AP3D1: variants seen among roughly 807,000 people sequenced by gnomAD.
The protein encoded by AP3D1 is adaptor related protein complex 3 subunit delta 1, also known as AP-3 complex subunit delta-1.
Under a neutral mutation model 147.6 loss-of-function variants are expected in AP3D1, and 51 were observed. The ratio of observed to expected loss-of-function variants is 0.35; its 90% CI spans 0.28 to 0.44. The LOEUF (loss-of-function observed/expected upper bound fraction) is 0.44. Ranked by LOEUF, AP3D1 falls within the 20% of genes least tolerant of loss-of-function variation. AP3D1 has a pLI of 1.00. For synonymous variants in AP3D1, 760 were observed against 663.0 expected (o/e 1.15, Z -2.25); for missense variants, 1,421 against 1,624.2 (o/e 0.87, Z 2.15).
At chr19:2,134,963 C>G (rs1267997284) in intron 4 of AP3D1, among the ~76,000 whole-genome samples, 2 of 151,688 alleles carry the variant, frequency 1.3e-5, no homozygotes, top group Non-Finnish European at 2.9e-5. Context: ...CTTGGTGAGG[C>G]TGAGGTGGGC....
In AP3D1 at chr19:2,114,679, G is replaced by A. The variant is rs531297018; in HGVS notation, c.2423+69C>T. On this transcript the variant is annotated intron_variant, in intron 21 of 31. Transcript: ENST00000643116. ...CTGCAGAGCCCGGCCCCACCCGGAA[G>A]GGAGGACGAGAGGAAGGGAAGCAAC... The A allele has an allele frequency of 4.3e-5, 47 of 1,094,706 alleles. No individual in the cohort carries two copies. In the African/African-American group the frequency reaches 6.7e-4, roughly 15 times the overall value. 67.8% of individuals were successfully genotyped at this position (1,094,706 alleles called of 1,614,324 possible).
Position 2,113,414 on chromosome 19 carries a change from C to G in AP3D1, c.2602-1G>C. 6.8e-7 allele frequency: 1 copy of G among 1,468,094 alleles called. No homozygotes were observed. The highest frequency in any genetic ancestry group is 9.0e-7 in the Non-Finnish European group (1 of 1,111,090). 90.9% of individuals were successfully genotyped at this position (1,468,094 alleles called of 1,614,324 possible). ...ACAGCCAGAAGTCCAGGTCCTCAGC[C>G]TGAAACCACAAGACAGGCTGTCAGC... On this transcript the variant is annotated splice_acceptor_variant, in intron 22 of 31. Transcript: ENST00000643116. LOFTEE classifies it high-confidence loss of function.
chr19:2,116,564 G>A (rs1027670556), intron 17 of AP3D1, 41 bp downstream of exon 17: 8 of 1,530,766 alleles, frequency 5.2e-6, no homozygotes, highest in East Asian at 4.6e-5. Context: ...TGGGACAGGA[G>A]GGAGGAGACG....
upstream of AP3D1, among the ~76,000 whole-genome samples, chr19:2,153,706 G>A (rs931523574): frequency 6.6e-6 from 1 of 152,076 alleles, no homozygotes; most frequent in Non-Finnish European, 1.5e-5. Flanking sequence ...GGAACTGCTG[G>A]GCATGGTGGC....
At chr19:2,141,408 T>A (rs1246556751) in intron 1 of AP3D1, among the ~76,000 whole-genome samples, 1 of 151,346 alleles carries the variant, frequency 6.6e-6, no homozygotes, top group Non-Finnish European at 1.5e-5. Flanking sequence ...ATTTAAACCC[T>A]AGATACACAG....
In AP3D1 at chr19:2,121,149, G is replaced by C; in HGVS notation, c.1250+14C>G. On this transcript the variant is annotated intron_variant, in intron 13 of 31. Coordinates refer to ENST00000643116, the MANE Select transcript of AP3D1 (RefSeq NM_001261826.3). ...CACGGAACCCCCGGCCACACCCCTGGGAGCGGGACGCACCACTCGAAGTTG... is the reference window on the plus strand; with the variant it reads ...CACGGAACCCCCGGCCACACCCCTGCGAGCGGGACGCACCACTCGAAGTTG... 6.2e-7 allele frequency: 1 copy of C among 1,614,092 alleles called. No homozygotes were observed.
At chr19:2,138,014 G>A (rs2019122134) in intron 2 of AP3D1, among the ~76,000 whole-genome samples, 1 of 152,204 alleles carries the variant, frequency 6.6e-6, no homozygotes, top group Admixed American at 6.5e-5. Flanking sequence ...GGACAAGTTA[G>A]TAACAGGCAC....
Position 2,117,227 on chromosome 19 carries a change from G to T in AP3D1, c.1854C>A (p.Pro618=). Residue 618 remains proline, a synonymous_variant, in exon 16 of 32, where the codon CCC becomes CCA. Coordinates refer to ENST00000643116, the MANE Select transcript of AP3D1 (RefSeq NM_001261826.3). ...APKAQKKVPV[P]EGLDLDAWIN... is the part of the protein sequence containing the mutation. The stretch of plus-strand genomic sequence containing the variant: ...CCCCACCCCCGTATCCTTACCCTTC[G>T]GGGACTGGAACCTTCTTCTGGGCCT... 4 of 1,606,970 alleles carry T rather than the reference G, an allele frequency of 2.5e-6. No individual in the cohort carries two copies. Among genetic ancestry groups the T allele is most frequent in the Admixed American group, 1.7e-5 (1 of 58,952 alleles).
At chr19:2,153,557 T>G (rs2019620076), upstream of AP3D1, among the ~76,000 whole-genome samples, 2 of 151,596 alleles carry the variant, frequency 1.3e-5, no homozygotes, top group South Asian at 4.2e-4. Context: ...GCACCTGTAA[T>G]CCCAGCTATT....
At chr19:2,152,551 G>A (rs950180724), upstream of AP3D1, among the ~76,000 whole-genome samples, 12 of 148,130 alleles carry the variant, frequency 8.1e-5, no homozygotes, top group African/African-American at 2.5e-4. Context: ...AAAAAAAAAA[G>A]AGAGGGAGAA....
chr19:2,111,592 T>A, intron 25 of AP3D1, 87 bp downstream of exon 25: 1 of 1,469,948 alleles, frequency 6.8e-7, no homozygotes, highest in Non-Finnish European at 9.1e-7. Context: ...CTCAGTTCTC[T>A]CCCGCATGGA....
intron 24 of AP3D1, 176 bp from the exon 25 acceptor site, chr19:2,112,004 C>T: frequency 2.0e-6 from 2 of 1,017,078 alleles, no homozygotes; most frequent in Non-Finnish European, 2.8e-6. Flanking sequence ...CAGACCAGGC[C>T]CAGCGGAGGC....
rs1363688393 is a variant in AP3D1, at chr19:2,120,907, C to T, written c.1436G>A (p.Cys479Tyr). Residue 479 changes from cysteine (C) to tyrosine (Y), a missense_variant, in exon 14 of 32, where the codon TGT (cysteine) becomes TAT (tyrosine). By Grantham distance (194) the Cys-to-Tyr change is radical. This residue lies in a region of AP3D1 where 310 missense variants were observed against 388.1 expected (regional missense o/e 0.80). Transcript: ENST00000643116. Reference sequence around the variant, plus strand: ...CCAGGCGGCAGCGTACAGCACCTCACAGATCCCGTTCCGCTGGGTGCTGCT... The same window carrying T: ...CCAGGCGGCAGCGTACAGCACCTCATAGATCCCGTTCCGCTGGGTGCTGCT... ...LASSTQRNGI[C>Y]EVLYAAAWIC... The T allele has an allele frequency of 6.2e-7, 1 of 1,611,410 alleles. No homozygotes were observed. Among genetic ancestry groups the T allele is most frequent in the Admixed American group, 1.7e-5 (1 of 60,030 alleles).
Position 2,151,274 on chromosome 19 carries a change from A to C in AP3D1, c.61T>G (p.Leu21Val), listed in dbSNP as rs1030355947. ...DRMFDKNLQD[L>V]VRGIRNHKED... ...TTGTGGTTACGGATGCCGCGGACCA[A>C]GTCCTGCAGATTCTTGTCGAACATG... The change falls in exon 1 of 32, where the codon TTG becomes GTG. Residue 21 changes from leucine to valine, a missense_variant. Leu to Val is a conservative substitution (Grantham distance 32). Transcript: ENST00000643116. The C allele has an allele frequency of 6.2e-7, 1 of 1,611,776 alleles. No homozygotes were observed. The highest frequency in any genetic ancestry group is 8.5e-7 in the Non-Finnish European group (1 of 1,178,932).
chr19:2,157,164 C>T (rs1369186749), intron 1 of AP3D1, among the ~76,000 whole-genome samples: 4 of 151,420 alleles, frequency 2.6e-5, no homozygotes, highest in African/African-American at 9.7e-5. Context: ...AACATCTGGC[C>T]GGGTGCGGTG....
At chr19:2,118,464 G>A (rs1374301204) in intron 15 of AP3D1, 137 bp downstream of exon 15, 2 of 852,000 alleles carry the variant, frequency 2.3e-6, no homozygotes, top group Non-Finnish European at 3.6e-6. Flanking sequence ...AACCCCAGCT[G>A]GCACAAGTGG....
rs2018618550 is a variant in AP3D1 at position 2,121,758 on chromosome 19, C to T, written c.1077G>A (p.Arg359=). ...CCATCCCATAGAGCAGGTCCAGGGC[C>T]CGCAGCCGGATGGACTCGTCCTTGT... The part of the protein sequence containing the change: ...LDDKDESIRL[R]ALDLLYGMVS... Residue 359 remains arginine (R), a synonymous_variant, in exon 12 of 32, where the codon CGG becomes CGA. Transcript: ENST00000643116. The T allele has an allele frequency of 1.2e-6, 2 of 1,609,398 alleles. No individual in the cohort carries two copies. The highest frequency in any genetic ancestry group is 1.7e-6 in the Non-Finnish European group (2 of 1,178,050).
intron 4 of AP3D1, among the ~76,000 whole-genome samples, chr19:2,134,807 G>A (rs985729282): frequency 6.6e-6 from 1 of 151,244 alleles, no homozygotes; most frequent in Non-Finnish European, 1.5e-5. Flanking sequence ...CACCATGTTG[G>A]TCAGGCTAGT....
At chr19:2,114,847 A>G in intron 20 of AP3D1, 26 bp from the exon 21 acceptor site, 4 of 1,613,096 alleles carry the variant, frequency 2.5e-6, no homozygotes, top group Non-Finnish European at 3.4e-6. Context: ...GAACCCCATC[A>G]CTGGAACCCG....
Sources: gnomAD v4.1 joint callset for allele counts (sites outside exome capture counted in the v4.1 genomes callset) on GRCh38, gnomAD v4.1.1 for gene constraint, gnomAD v4.1.1 regional missense constraint, MANE v1.5 for transcripts, NCBI Gene and HGNC (gene_info 2026-07-23, HGNC 2026-07-21) for gene names.